DOCK8: variants seen among roughly 807,000 people sequenced by gnomAD.
The protein encoded by DOCK8 is dedicator of cytokinesis protein 8.
Under a neutral mutation model 245.6 loss-of-function variants are expected in DOCK8, and 141 were observed. The observed-to-expected ratio is 0.57, with a 90% CI of 0.50 to 0.66. DOCK8 has a LOEUF of 0.66. Among genes scored for constraint, DOCK8 ranks in the 30% least tolerant of loss-of-function variants. The pLI is 0.00. For missense variants in DOCK8, 2,965 were observed against 2,603.4 expected (o/e 1.14, Z -3.02); for synonymous variants, 1,168 against 970.2 (o/e 1.20, Z -3.79).
At chr9:269,946 G>C (rs1027140202) in intron 1 of DOCK8, among the ~76,000 whole-genome samples, 3 of 152,148 alleles carry the variant, frequency 2.0e-5, no homozygotes, top group African/African-American at 7.2e-5. Flanking sequence ...TTCAGGAACT[G>C]CCAGATGGCT....
At chr9:340,828 G>A (rs1455252499) in intron 14 of DOCK8, among the ~76,000 whole-genome samples, 3 of 151,954 alleles carry the variant, frequency 2.0e-5, no homozygotes, top group African/African-American at 4.8e-5. Context: ...AACAAGAAAG[G>A]GTTACTTCAG....
Position 273,156 on chromosome 9 carries a change from G to C in DOCK8, c.156+1427G>C, listed in dbSNP as rs939817286. 5 of 959,570 alleles carry C rather than the reference G, an allele frequency of 5.2e-6. No homozygotes were observed. The African/African-American group carries it at 5.7e-5, about 11-fold the overall frequency. 59.4% of individuals were successfully genotyped at this position (959,570 alleles called of 1,614,324 possible). On this transcript the variant is annotated intron_variant, in intron 2 of 47. Coordinates refer to ENST00000432829, the MANE Select transcript of DOCK8 (RefSeq NM_203447.4). The stretch of plus-strand genomic sequence containing the variant: ...TTCAGAAGGATAATTTGTGTGTTGC[G>C]TCATTAATGAAATAGTAGTACGAAA...
At chr9:369,262 C>T (rs1219476679) in intron 15 of DOCK8, 3 of 152,228 alleles carry the variant, frequency 2.0e-5, no homozygotes, top group African/African-American at 7.2e-5. Context: ...GTCCTCTCTG[C>T]TCAGGCCCCT....
At chr9:264,180 G>A (rs1344547309) in intron 1 of DOCK8, among the ~76,000 whole-genome samples, 3 of 152,204 alleles carry the variant, frequency 2.0e-5, no homozygotes, top group Non-Finnish European at 4.4e-5. Context: ...TGCTTCATCA[G>A]CAGATGGTGA....
intron 21 of DOCK8, among the ~76,000 whole-genome samples, chr9:382,231 G>A (rs1020540047): frequency 2.6e-5 from 4 of 152,062 alleles, no homozygotes; most frequent in Admixed American, 1.3e-4. Flanking sequence ...TCCATTTCCC[G>A]ATGGCAGTAA....
chr9:383,004 A>C (rs191024691), intron 22 of DOCK8, among the ~76,000 whole-genome samples: 21 of 152,274 alleles, frequency 1.4e-4, no homozygotes, highest in African/African-American at 4.3e-4. Context: ...AAATAGCTTT[A>C]ACTTTTGATA....
chr9:355,297 T>G (rs1438806286), intron 14 of DOCK8, among the ~76,000 whole-genome samples: 2 of 148,950 alleles, frequency 1.3e-5, no homozygotes, highest in Admixed American at 6.8e-5. Flanking sequence ...TCCGCCTTCC[T>G]GGTACAAGCG....
chr9:214,903 G>A lies in DOCK8; in HGVS notation c.-74G>A, dbSNP rs767780384. The stretch of plus-strand genomic sequence containing the variant: ...TGCGCTTGGCTGGGCATGTTCCGCG[G>A]CTACTCTGCGGCGCGCCAGGCCCCC... On this transcript the variant is annotated 5_prime_UTR_variant, in exon 1 of 48. Transcript: ENST00000432829. The A allele has an allele frequency of 4.4e-6, 7 of 1,604,188 alleles. No homozygotes were observed. The highest frequency in any genetic ancestry group is 5.1e-6 in the Non-Finnish European group (6 of 1,176,946).
chr9:391,819 A>ATTTT (rs1453100811), intron 24 of DOCK8, among the ~76,000 whole-genome samples: 1 of 130,754 alleles, frequency 7.6e-6, no homozygotes, highest in Non-Finnish European at 1.6e-5. Flanking sequence ...CATTAAGTGA[A>ATTTT]TCTTTTTTTT....
intron 26 of DOCK8, among the ~76,000 whole-genome samples, chr9:400,616 T>TCCA (rs1224442175): frequency 3.4e-4 from 3 of 8,896 alleles, no homozygotes; most frequent in Non-Finnish European, 5.5e-4. Context: ...CACCACCACC[T>TCCA]CCACCACCAT....
chr9:329,313 T>A (rs2050902615), intron 9 of DOCK8, among the ~76,000 whole-genome samples: 1 of 150,718 alleles, frequency 6.6e-6, no homozygotes, highest in African/African-American at 2.5e-5. Flanking sequence ...GCCCCCAGCC[T>A]CTTAGGTTTG....
chr9:258,685 C>T lies in DOCK8; in HGVS notation c.54-12942C>T, dbSNP rs183860686. Among the ~76,000 whole-genome samples the T allele has an allele frequency of 1.3e-3, 198 of 148,296 alleles. 2 individuals carry two copies. Among genetic ancestry groups the T allele is most frequent in the African/African-American group, 4.8e-3 (194 of 40,042 alleles). On this transcript the variant is annotated intron_variant, in intron 1 of 47. Transcript: ENST00000432829. ...CGATCTCGGCATACTGCAACCTCTG[C>T]CTCCCGGGTTCAAGCAATTCTCCTG...
At chr9:414,977 T>C in intron 29 of DOCK8, 26 bp downstream of exon 29, 1 of 1,612,280 alleles carries the variant, frequency 6.2e-7, no homozygotes, top group East Asian at 2.2e-5. Flanking sequence ...TTTTCTTTCT[T>C]GGATTGTTGG....
At chr9:383,700 C>CAAAAAAA (rs1164310899) in intron 22 of DOCK8, among the ~76,000 whole-genome samples, 7 of 69,900 alleles carry the variant, frequency 1.0e-4, no homozygotes, top group East Asian at 9.8e-4. Flanking sequence ...GACTCCGTCT[C>CAAAAAAA]AAAAAAAAAA....
Position 377,131 on chromosome 9 carries a change from C to T in DOCK8, c.2360C>T (p.Pro787Leu), listed in dbSNP as rs780667787. ...IICLNSSRLE[P>L]LVLFLHLVLD... ...TGCCTGAACTCCTCCCGCCTGGAGCCGCTCGTGCTCTTCCTGCACCTGGTG... is the reference window on the plus strand; with the variant it reads ...TGCCTGAACTCCTCCCGCCTGGAGCTGCTCGTGCTCTTCCTGCACCTGGTG... The change falls in exon 20 of 48, where the codon CCG becomes CTG. Residue 787 changes from proline (P) to leucine (L), a missense_variant. Pro to Leu is a moderately conservative substitution (Grantham distance 98). Transcript: ENST00000432829. 11 of 1,609,286 alleles carry T rather than the reference C, an allele frequency of 6.8e-6. No homozygotes were observed. The highest frequency in any genetic ancestry group is 1.1e-5 in the South Asian group (1 of 90,986).
chr9:454,712 C>T (rs1430159194), intron 46 of DOCK8: 2 of 152,220 alleles, frequency 1.3e-5, no homozygotes, highest in African/African-American at 2.4e-5. Context: ...TTTTCATTTA[C>T]TTCAGTTTGC....
At chr9:428,552 G>A in intron 35 of DOCK8, 56 bp downstream of exon 35, 1 of 1,603,378 alleles carries the variant, frequency 6.2e-7, no homozygotes, top group African/African-American at 1.3e-5. Flanking sequence ...TTCTCATCTA[G>A]CTTCATACTT....
chr9:255,336 T>C (rs2047743142), intron 1 of DOCK8, among the ~76,000 whole-genome samples: 1 of 152,150 alleles, frequency 6.6e-6, no homozygotes, highest in South Asian at 2.1e-4. Context: ...AATTTCTGTA[T>C]ATAATAATAT....
chr9:439,004 T>A (rs1416215777), intron 39 of DOCK8, among the ~76,000 whole-genome samples: 2 of 152,150 alleles, frequency 1.3e-5, no homozygotes, highest in Non-Finnish European at 2.9e-5. Flanking sequence ...TAAGTGTCCT[T>A]TATACAAAAT....
Sources: allele counts gnomAD v4.1 joint callset (sites outside exome capture counted in the v4.1 genomes callset), GRCh38; gene constraint gnomAD v4.1.1; transcripts MANE v1.5; gene names NCBI Gene and HGNC (gene_info 2026-07-23, HGNC 2026-07-21).